GSN: variants seen among roughly 807,000 people sequenced by gnomAD.
GSN encodes actin-depolymerizing factor.
Under a neutral mutation model 85.7 loss-of-function variants are expected in GSN, and 56 were observed. The ratio of observed to expected loss-of-function variants is 0.65; its 90% CI spans 0.53 to 0.82. The LOEUF is 0.82. Ranked by LOEUF, GSN falls within the 40% of genes least tolerant of loss-of-function variation. The pLI is 0.00. For synonymous variants in GSN, 373 were observed against 399.1 expected (o/e 0.93, Z 0.78); for missense variants, 857 against 979.8 (o/e 0.87, Z 1.67).
At chr9:121,203,351 A>G (rs1339641985), upstream of GSN, 3 of 151,752 alleles carry the variant, frequency 2.0e-5, no homozygotes, top group Non-Finnish European at 4.4e-5. Context: ...AGCAGGTCAA[A>G]ACTCCCGTGC....
At chr9:121,283,089 A>T (rs1403073292) in intron 2 of GSN, 1 of 165,162 alleles carries the variant, frequency 6.1e-6, no homozygotes, top group East Asian at 2.0e-4. Context: ...AGTTCCAGAA[A>T]CTCCCTCCTT....
rs115293522 is a variant in GSN at position 121,305,167 on chromosome 9, A to G, written c.351+2102A>G. On this transcript the variant is annotated intron_variant, in intron 4 of 17. Coordinates refer to ENST00000432226, the MANE Select transcript of GSN (RefSeq NM_198252.3). ...GTCATAGGCTCCCGGATTTTTAGGA[A>G]TAAACAAGGATGATAATAACCCTTA... Among the ~76,000 whole-genome samples, 947 of 152,322 alleles carry G rather than the reference A, an allele frequency of 6.2e-3. 12 individuals carry two copies. Among genetic ancestry groups the G allele is most frequent in the African/African-American group, 0.021 (879 of 41,564 alleles).
At chr9:121,278,121 A>G (rs946871628) in intron 1 of GSN, among the ~76,000 whole-genome samples, 3 of 151,460 alleles carry the variant, frequency 2.0e-5, no homozygotes, top group Non-Finnish European at 2.9e-5. Context: ...GTCAAGACGT[A>G]GGGGAGGCAG....
chr9:121,295,577 G>C (rs1424365253), intron 2 of GSN, among the ~76,000 whole-genome samples: 1 of 152,202 alleles, frequency 6.6e-6, no homozygotes, highest in Non-Finnish European at 1.5e-5. Context: ...AAGGGGCGGG[G>C]GAGGCCACCT....
At chr9:121,217,399 A>G (rs2054085338) in intron 4 of GSN, among the ~76,000 whole-genome samples, 1 of 152,036 alleles carries the variant, frequency 6.6e-6, no homozygotes, top group African/African-American at 2.4e-5. Context: ...TTTTAAGTTC[A>G]GGAGTACCTG....
At chr9:121,314,937 C>A (rs991173159) in intron 7 of GSN, among the ~76,000 whole-genome samples, 1 of 152,228 alleles carries the variant, frequency 6.6e-6, no homozygotes, top group Non-Finnish European at 1.5e-5. Flanking sequence ...TCACAGCTCA[C>A]TGCAACCTCT....
intron 2 of GSN, chr9:121,286,201 T>C: frequency 1.1e-5 from 16 of 1,493,790 alleles, no homozygotes; most frequent in Non-Finnish European, 1.4e-5. Flanking sequence ...TAGCACGGGA[T>C]CTGGGGTGGT....
chr9:121,302,807 C>G, intron 3 of GSN, 104 bp from the exon 4 acceptor site: 1 of 1,123,206 alleles, frequency 8.9e-7, no homozygotes, highest in Non-Finnish European at 1.3e-6. Context: ...TCAGCTTCTA[C>G]AGCTAGGTCA....
At chr9:121,204,329 A>T (rs991459003), upstream of GSN, among the ~76,000 whole-genome samples, 1 of 152,234 alleles carries the variant, frequency 6.6e-6, no homozygotes, top group African/African-American at 2.4e-5. Flanking sequence ...ACTAAGCCCT[A>T]TTCCATTTCC....
chr9:121,300,020 G>C (rs568885924), intron 2 of GSN: 1 of 1,507,444 alleles, frequency 6.6e-7, no homozygotes. Context: ...GTGCCCGGGG[G>C]GCCCCGGGGC....
intron 17 of GSN, chr9:121,331,912 C>G (rs1286411666): frequency 5.2e-6 from 1 of 191,866 alleles, no homozygotes; most frequent in Non-Finnish European, 1.1e-5. Context: ...AAAAATTAGC[C>G]AGGCGTGTTG....
At chr9:121,215,240 A>G (rs2054040787) in intron 4 of GSN, among the ~76,000 whole-genome samples, 1 of 132,424 alleles carries the variant, frequency 7.6e-6, no homozygotes, top group African/African-American at 2.7e-5. Flanking sequence ...CTCATATATG[A>G]CCCATCTTAA....
At chr9:121,221,125 A>T (rs1409914302) in intron 4 of GSN, among the ~76,000 whole-genome samples, 1 of 152,176 alleles carries the variant, frequency 6.6e-6, no homozygotes, top group Non-Finnish European at 1.5e-5. Flanking sequence ...GACCCCGAGG[A>T]GGGGCGCCTC....
chr9:121,225,353 C>T (rs977723960), intron 4 of GSN, among the ~76,000 whole-genome samples: 8 of 152,294 alleles, frequency 5.3e-5, no homozygotes, highest in Middle Eastern at 3.4e-3. Context: ...AACACAAAAG[C>T]ACATATCCGA....
chr9:121,312,979 A>C (rs1183280907), intron 6 of GSN: 1 of 156,156 alleles, frequency 6.4e-6, no homozygotes, highest in Non-Finnish European at 1.4e-5. Context: ...TTAGGGAGCA[A>C]GGGAGATCAG....
intron 5 of GSN, among the ~76,000 whole-genome samples, chr9:121,232,408 G>A (rs2054408188): frequency 6.6e-6 from 1 of 152,230 alleles, no homozygotes; most frequent in Non-Finnish European, 1.5e-5. Context: ...ATCTGGTGGG[G>A]CTGGTTAGTC....
At chr9:121,242,843 A>G (rs2054631434) in intron 5 of GSN, among the ~76,000 whole-genome samples, 1 of 152,160 alleles carries the variant, frequency 6.6e-6, no homozygotes, top group African/African-American at 2.4e-5. Flanking sequence ...AAGGCATGTC[A>G]TCTTTTCCTT....
At chr9:121,331,135 C>A (rs2063837653) in intron 16 of GSN, among the ~76,000 whole-genome samples, 1 of 152,136 alleles carries the variant, frequency 6.6e-6, no homozygotes. Context: ...AGTTGGAAAT[C>A]TAGATTTTTA....
At chr9:121,258,390 G>C (rs1301149805) in intron 6 of GSN, among the ~76,000 whole-genome samples, 1 of 152,052 alleles carries the variant, frequency 6.6e-6, no homozygotes, top group Non-Finnish European at 1.5e-5. Context: ...TTGAACCCAG[G>C]AGGAGGAGGT....
Sources: allele counts gnomAD v4.1 joint callset (sites outside exome capture counted in the v4.1 genomes callset), GRCh38; gene constraint gnomAD v4.1.1; transcripts MANE v1.5; gene names NCBI Gene and HGNC (gene_info 2026-07-23, HGNC 2026-07-21).